Variants in TRIM71 observed in about 807,000 individuals in gnomAD.
TRIM71 encodes tripartite motif containing 71.
TRIM71 carries 9 observed loss-of-function variants against 61.2 expected under a neutral mutation model. That is an observed-to-expected ratio of 0.15 (90% CI 0.09 to 0.26). The LOEUF (loss-of-function observed/expected upper bound fraction) is 0.26. TRIM71 is among the 10% of genes least tolerant of loss of function. The pLI, the probability that TRIM71 is intolerant of heterozygous loss-of-function variation, is 1.00. For synonymous variants in TRIM71, 645 were observed against 553.2 expected, an observed-to-expected ratio of 1.17 and a Z score of -2.33; for missense variants, 998 against 1,238.7, an observed-to-expected ratio of 0.81 and a Z score of 2.92.
intron 1 of TRIM71, among the ~76,000 whole-genome samples, chr3:32,854,871 G>A (rs1200809150): frequency 1.3e-5 from 2 of 152,292 alleles, no homozygotes; most frequent in South Asian, 2.1e-4. Context: ...GAACAAGACG[G>A]AAAAGTCAGT....
At position 32,830,231 on chromosome 3, in the gene TRIM71, T is replaced by C. The variant is rs572707406; in HGVS notation, c.852+11299T>C. 2.3e-3 allele frequency among the ~76,000 whole-genome samples: 356 copies of C among 152,180 alleles called. 1 individual carries two copies. Among genetic ancestry groups the C allele is most frequent in the African/African-American group, 8.0e-3 (332 of 41,524 alleles). ...AGCCACCGTGTCCAGCCTCTAAATG[T>C]TTTTGTTTTTTGTATTTTATCTTCC... On this transcript the variant is annotated intron_variant, in intron 1 of 3. Coordinates refer to ENST00000383763, the MANE Select transcript of TRIM71 (RefSeq NM_001039111.3).
chr3:32,886,161 C>A (rs1696959603), intron 3 of TRIM71, 93 bp downstream of exon 3: 2 of 1,414,492 alleles, frequency 1.4e-6, no homozygotes, highest in Non-Finnish European at 1.9e-6. Flanking sequence ...ATCCAGGAGC[C>A]AAGCTCTAAG....
In TRIM71 at chr3:32,818,700, C is replaced by T. The variant is rs1696091680; in HGVS notation, c.620C>T (p.Ala207Val). ...TGCAGCTCGTGCGATGAGGGCAACG[C>T]AGCTTCTTCGCGCTGCCTCGACTGC... ...HGCSSCDEGN[A>V]ASSRCLDCQE... Residue 207 changes from alanine (A) to valine (V), a missense_variant, in exon 1 of 4, where the codon GCA (alanine) becomes GTA (valine). This residue lies in a region of TRIM71 where 527 missense variants were observed against 427.8 expected (regional missense o/e 1.23). Coordinates refer to ENST00000383763, the MANE Select transcript of TRIM71 (RefSeq NM_001039111.3). The T allele has an allele frequency of 3.8e-6, 6 of 1,582,340 alleles. No individual in the cohort carries two copies. The highest frequency in any genetic ancestry group is 5.1e-6 in the Non-Finnish European group (6 of 1,171,418).
intron 1 of TRIM71, among the ~76,000 whole-genome samples, chr3:32,838,259 C>T (rs1016541137): frequency 2.6e-5 from 4 of 152,112 alleles, no homozygotes; most frequent in South Asian, 4.2e-4. Flanking sequence ...GTTTCACTAT[C>T]GTTGCCCAGG....
chr3:32,884,444 T>G (rs910598485), intron 2 of TRIM71, among the ~76,000 whole-genome samples: 2 of 151,642 alleles, frequency 1.3e-5, no homozygotes, highest in South Asian at 4.2e-4. Context: ...ATGCCTATAA[T>G]GCCAGCACTT....
intron 2 of TRIM71, 47 bp downstream of exon 2, chr3:32,874,032 C>G (rs749869851): frequency 2.0e-5 from 31 of 1,542,512 alleles, no homozygotes; most frequent in Non-Finnish European, 2.4e-5. Flanking sequence ...ATCGAGCCCC[C>G]CTTTCTGTCG....
chr3:32,830,630 C>CGA (rs775582182), intron 1 of TRIM71, among the ~76,000 whole-genome samples: 1 of 152,092 alleles, frequency 6.6e-6, no homozygotes, highest in Non-Finnish European at 1.5e-5. Flanking sequence ...TGGCCTCTGT[C>CGA]GATATCAGTG....
At chr3:32,861,761 A>G (rs901443925) in intron 1 of TRIM71, among the ~76,000 whole-genome samples, 1 of 151,580 alleles carries the variant, frequency 6.6e-6, no homozygotes, top group Admixed American at 6.6e-5. Context: ...TCTCTTTAAT[A>G]CTCTCCTTGA....
chr3:32,857,470 A>G (rs1696618206), intron 1 of TRIM71, among the ~76,000 whole-genome samples: 1 of 152,168 alleles, frequency 6.6e-6, no homozygotes, highest in Non-Finnish European at 1.5e-5. Flanking sequence ...TTCACCCTTG[A>G]ACAATGTGGG....
Position 32,818,018 on chromosome 3 carries a change from G to T in TRIM71, c.-63G>T. 2 of 1,512,602 alleles carry T rather than the reference G, an allele frequency of 1.3e-6. No homozygotes were observed. Among genetic ancestry groups the T allele is most frequent in the South Asian group, 1.2e-5 (1 of 86,936 alleles). The allele number at this position is 1,512,602 out of a possible 1,614,324, so 93.7% of individuals were successfully genotyped here. On this transcript the variant is annotated 5_prime_UTR_variant, in exon 1 of 4. Transcript: ENST00000383763. ...GGTGACTCCCCCACCCACCTCGTCC[G>T]CTCTCTCCTCCTCCTCCTCCTCTTC...
At chr3:32,844,893 A>G (rs1032007121) in intron 1 of TRIM71, among the ~76,000 whole-genome samples, 4 of 152,160 alleles carry the variant, frequency 2.6e-5, no homozygotes, top group African/African-American at 4.8e-5. Flanking sequence ...AAGTTCCCCA[A>G]TTTTAATGAC....
intron 1 of TRIM71, among the ~76,000 whole-genome samples, chr3:32,832,743 C>T (rs1696286447): frequency 6.6e-6 from 1 of 152,122 alleles, no homozygotes; most frequent in Admixed American, 6.6e-5. Flanking sequence ...ATTTTTTCTA[C>T]TTCTTTCAAC....
chr3:32,836,871 C>T (rs1306667552), intron 1 of TRIM71, among the ~76,000 whole-genome samples: 3 of 152,168 alleles, frequency 2.0e-5, no homozygotes, highest in Non-Finnish European at 2.9e-5. Flanking sequence ...TCTCTGCAGA[C>T]GTTCAGTTAT....
chr3:32,866,999 C>T (rs1193273890), intron 1 of TRIM71, among the ~76,000 whole-genome samples: 1 of 152,082 alleles, frequency 6.6e-6, no homozygotes, highest in African/African-American at 2.4e-5. Context: ...TATACCTCTC[C>T]CTGGGTACCA....
chr3:32,872,265 C>G (rs748550929), intron 1 of TRIM71, among the ~76,000 whole-genome samples: 16 of 152,214 alleles, frequency 1.1e-4, no homozygotes, highest in Non-Finnish European at 2.4e-4. Flanking sequence ...GTTTCTGAAT[C>G]GTAAAGTTTC....
chr3:32,832,678 C>CCCG (rs774139945), intron 1 of TRIM71, among the ~76,000 whole-genome samples: 96 of 151,710 alleles, frequency 6.3e-4, no homozygotes, highest in Non-Finnish European at 1.1e-3. Flanking sequence ...AAGTGAAGAC[C>CCCG]CCGTCTCAAT....
Position 32,818,728 on chromosome 3 carries a change from G to A in TRIM71, c.648G>A (p.Gln216=), listed in dbSNP as rs764698336. ...CTTCTTCGCGCTGCCTCGACTGCCA[G>A]GAGCACCTGTGCGACAACTGCGTCC... ...NAASSRCLDC[Q]EHLCDNCVRA... is the part of the protein sequence containing the mutation. Residue 216 remains glutamine, a synonymous_variant, in exon 1 of 4, where the codon CAG becomes CAA. Coordinates refer to ENST00000383763, the MANE Select transcript of TRIM71 (RefSeq NM_001039111.3). The A allele has an allele frequency of 5.3e-5, 84 of 1,598,930 alleles. No homozygotes were observed. Among genetic ancestry groups the A allele is most frequent in the Non-Finnish European group, 6.6e-5 (78 of 1,177,344 alleles).
intron 1 of TRIM71, among the ~76,000 whole-genome samples, chr3:32,831,302 A>G (rs189168707): frequency 2.7e-5 from 4 of 146,720 alleles, no homozygotes; most frequent in Non-Finnish European, 4.6e-5. Context: ...CACTTAACTG[A>G]CTTGATTTCT....
chr3:32,868,781 C>T (rs921409893), intron 1 of TRIM71, among the ~76,000 whole-genome samples: 6 of 151,802 alleles, frequency 4.0e-5, no homozygotes, highest in African/African-American at 1.5e-4. Flanking sequence ...TTTGGAAACA[C>T]TCCCTCCTCA....
Sources: gnomAD v4.1 joint callset for allele counts (sites outside exome capture counted in the v4.1 genomes callset) on GRCh38, gnomAD v4.1.1 for gene constraint, gnomAD v4.1.1 regional missense constraint, MANE v1.5 for transcripts, NCBI Gene and HGNC (gene_info 2026-07-23, HGNC 2026-07-21) for gene names.